Variants in BCL2L1 observed in about 807,000 individuals in gnomAD.
BCL2L1 encodes bcl-2-like protein 1.
In BCL2L1, 1 loss-of-function variant was observed where a neutral mutation model predicts 18.7. The ratio of observed to expected loss-of-function variants is 0.05; its 90% CI spans 0.02 to 0.25. BCL2L1 has a LOEUF of 0.25. Ranked by LOEUF, BCL2L1 falls within the 10% of genes least tolerant of loss-of-function variation. BCL2L1 has a pLI of 1.00. For missense variants in BCL2L1, 207 were observed against 304.9 expected (o/e 0.68, Z 2.39); for synonymous variants, 103 against 122.7 (o/e 0.84, Z 1.06).
chr20:31,721,477 T>C (rs1261584491), intron 2 of BCL2L1, 178 bp downstream of exon 2: 1 of 696,428 alleles, frequency 1.4e-6, no homozygotes, highest in African/African-American at 1.8e-5. Flanking sequence ...AAGCACAGGG[T>C]CATTTGTATT....
chr20:31,687,743 G>A lies in BCL2L1; in HGVS notation c.565-21657C>T, dbSNP rs1024572774. Among the ~76,000 whole-genome samples, 3 of 151,628 alleles carry A rather than the reference G, an allele frequency of 2.0e-5. No individual in the cohort carries two copies. The East Asian group carries it at 5.8e-4, about 29-fold the overall frequency. ...CCGGGAGGGAGGCAGGCAGCTCAGT[G>A]TAGACCAGAGACCTCTGATCAGACA... On this transcript the variant is annotated intron_variant, in intron 2 of 2. Transcript: ENST00000307677.
chr20:31,678,456 C>T (rs998588414), intron 2 of BCL2L1, among the ~76,000 whole-genome samples: 1 of 152,146 alleles, frequency 6.6e-6, no homozygotes, highest in Non-Finnish European at 1.5e-5. Flanking sequence ...TCTAGGGCTA[C>T]AGCATAAGGA....
At chr20:31,717,933 C>T (rs541039453) in intron 2 of BCL2L1, among the ~76,000 whole-genome samples, 2 of 152,360 alleles carry the variant, frequency 1.3e-5, no homozygotes, top group South Asian at 4.1e-4. Flanking sequence ...ACACTTGTGT[C>T]CCTTCGGGGA....
At chr20:31,678,629 G>A (rs928711065) in intron 2 of BCL2L1, among the ~76,000 whole-genome samples, 3 of 152,168 alleles carry the variant, frequency 2.0e-5, no homozygotes, top group Non-Finnish European at 2.9e-5. Context: ...CTCAAAGCCC[G>A]CTGGGCATTG....
intron 2 of BCL2L1, among the ~76,000 whole-genome samples, chr20:31,693,821 C>T (rs1462229761): frequency 6.6e-6 from 1 of 152,142 alleles, no homozygotes; most frequent in Non-Finnish European, 1.5e-5. Context: ...AGGCATAAGC[C>T]ATCATGCAAG....
intron 2 of BCL2L1, among the ~76,000 whole-genome samples, chr20:31,704,598 T>C (rs534930219): frequency 3.2e-4 from 48 of 152,242 alleles, no homozygotes; most frequent in Middle Eastern, 6.8e-3. Context: ...GGAATCTGTG[T>C]CACCTTGTTC....
intron 2 of BCL2L1, among the ~76,000 whole-genome samples, chr20:31,687,981 C>T (rs1568867756): frequency 6.6e-6 from 1 of 152,124 alleles, no homozygotes; most frequent in Admixed American, 6.6e-5. Flanking sequence ...ACCATGGCAC[C>T]CTATTTAACC....
chr20:31,700,201 A>G (rs1395850612), intron 2 of BCL2L1, among the ~76,000 whole-genome samples: 1 of 152,220 alleles, frequency 6.6e-6, no homozygotes, highest in African/African-American at 2.4e-5. Flanking sequence ...GGCCTGGCAC[A>G]TAGTTGGTGC....
In BCL2L1 at chr20:31,711,862, A is replaced by G. The variant is rs148292637; in HGVS notation, c.564+9793T>C. ...TTGAAAGTATTATCATGCACATAAA[A>G]AGAATAATCATGACAATACAGACTA... On this transcript the variant is annotated intron_variant, in intron 2 of 2. Transcript: ENST00000307677. Among the ~76,000 whole-genome samples, 797 of 152,352 alleles carry G rather than the reference A, an allele frequency of 5.2e-3. 5 individuals carry two copies. Among genetic ancestry groups the G allele is most frequent in the Middle Eastern group, 0.027 (8 of 294 alleles).
At chr20:31,711,408 G>T (rs1459406464) in intron 2 of BCL2L1, among the ~76,000 whole-genome samples, 1 of 152,128 alleles carries the variant, frequency 6.6e-6, no homozygotes, top group Non-Finnish European at 1.5e-5. Flanking sequence ...AATCTTGCCT[G>T]GTGTGTCTGG....
intron 2 of BCL2L1, chr20:31,720,603 A>C (rs1471743209): frequency 3.0e-6 from 3 of 985,322 alleles, no homozygotes; most frequent in Non-Finnish European, 3.6e-6. Flanking sequence ...CTGGAAAGGG[A>C]ATTTGCTGGT....
At chr20:31,685,920 C>T (rs1197910203) in intron 2 of BCL2L1, among the ~76,000 whole-genome samples, 1 of 152,158 alleles carries the variant, frequency 6.6e-6, no homozygotes, top group Non-Finnish European at 1.5e-5. Context: ...GTGCAGTGAA[C>T]AGGTACTCTA....
upstream of BCL2L1, chr20:31,723,780 C>T (rs2061673616): frequency 7.1e-6 from 7 of 985,348 alleles, no homozygotes; most frequent in South Asian, 2.8e-4. Flanking sequence ...CCTTCATCGG[C>T]CCGGTAGCTT....
intron 2 of BCL2L1, among the ~76,000 whole-genome samples, chr20:31,709,954 G>A (rs1404271400): frequency 6.6e-6 from 1 of 151,482 alleles, no homozygotes; most frequent in African/African-American, 2.4e-5. Flanking sequence ...CCAAAGTGCT[G>A]AGGTTACAGG....
intron 2 of BCL2L1, among the ~76,000 whole-genome samples, chr20:31,676,041 G>A (rs1206282242): frequency 1.3e-5 from 2 of 152,154 alleles, no homozygotes; most frequent in Non-Finnish European, 2.9e-5. Context: ...CTCCGCTGGG[G>A]AATCGAGAAA....
chr20:31,692,057 A>G (rs2061084254), intron 2 of BCL2L1, among the ~76,000 whole-genome samples: 1 of 152,264 alleles, frequency 6.6e-6, no homozygotes, highest in Non-Finnish European at 1.5e-5. Flanking sequence ...AGGTCCCAGG[A>G]CCAAGAGTGG....
At chr20:31,668,132 G>C (rs1394453136) in intron 2 of BCL2L1, among the ~76,000 whole-genome samples, 1 of 152,006 alleles carries the variant, frequency 6.6e-6, no homozygotes, top group Non-Finnish European at 1.5e-5. Context: ...TGCCGCAGGA[G>C]TCTGCTGTTC....
chr20:31,698,987 A>C (rs542504296), intron 2 of BCL2L1, among the ~76,000 whole-genome samples: 1 of 152,312 alleles, frequency 6.6e-6, no homozygotes, highest in South Asian at 2.1e-4. Context: ...TCCACAAATA[A>C]CGTTTTGTTT....
At chr20:31,720,831 T>C (rs1568905414) in intron 2 of BCL2L1, 1 of 985,320 alleles carries the variant, frequency 1.0e-6, no homozygotes, top group African/African-American at 1.7e-5. Context: ...GACTAGGTTC[T>C]TGCTTTGCCA....
Sources: gnomAD v4.1 joint callset for allele counts (sites outside exome capture counted in the v4.1 genomes callset) on GRCh38, gnomAD v4.1.1 for gene constraint, MANE v1.5 for transcripts, NCBI Gene and HGNC (gene_info 2026-07-23, HGNC 2026-07-21) for gene names.